Variants in ESRRG observed in about 807,000 individuals in gnomAD.
ESRRG encodes the protein estrogen related receptor gamma.
ESRRG carries 13 observed loss-of-function variants against 44.0 expected under a neutral mutation model. The observed-to-expected ratio is 0.30, with a 90% CI of 0.19 to 0.47. ESRRG has a LOEUF of 0.47. Ranked by LOEUF, ESRRG falls within the 20% of genes least tolerant of loss-of-function variation. ESRRG has a pLI of 1.00. For synonymous variants in ESRRG, 215 were observed against 214.6 expected, an observed-to-expected ratio of 1.00 and a Z score of -0.02; for missense variants, 395 against 580.6, an observed-to-expected ratio of 0.68 and a Z score of 3.29.
intron 2 of ESRRG, among the ~76,000 whole-genome samples, chr1:216,669,885 C>CA (rs1460347598): frequency 4.1e-4 from 55 of 133,840 alleles, no homozygotes; most frequent in African/African-American, 1.2e-3. Context: ...GACTCTGTCT[C>CA]AAAAAAAAGA....
intron 2 of ESRRG, among the ~76,000 whole-genome samples, chr1:216,654,192 G>A (rs2069804639): frequency 6.6e-6 from 1 of 151,412 alleles, no homozygotes; most frequent in African/African-American, 2.4e-5. Flanking sequence ...TAATAACTTA[G>A]AATTTTCTTA....
At chr1:216,635,233 C>A (rs1006228962) in intron 3 of ESRRG, among the ~76,000 whole-genome samples, 1 of 152,212 alleles carries the variant, frequency 6.6e-6, no homozygotes, top group African/African-American at 2.4e-5. Flanking sequence ...GAGAGGGAAA[C>A]AATTGCTATG....
At chr1:216,749,062 T>C (rs1303150992) in intron 2 of ESRRG, among the ~76,000 whole-genome samples, 1 of 152,108 alleles carries the variant, frequency 6.6e-6, no homozygotes, top group African/African-American at 2.4e-5. Flanking sequence ...ATTCTCTTTC[T>C]AGCACTATAA....
intron 1 of ESRRG, among the ~76,000 whole-genome samples, chr1:216,709,920 T>C (rs1378085017): frequency 6.6e-6 from 1 of 152,186 alleles, no homozygotes; most frequent in Non-Finnish European, 1.5e-5. Flanking sequence ...GTAATCCTGG[T>C]TCAGGATTTA....
At chr1:217,130,603 T>C (rs1023700431) in intron 1 of ESRRG, among the ~76,000 whole-genome samples, 1 of 152,202 alleles carries the variant, frequency 6.6e-6, no homozygotes, top group African/African-American at 2.4e-5. Flanking sequence ...TTTAGCTAAT[T>C]TGGTAATCAT....
At chr1:216,725,513 G>A (rs527803931), upstream of ESRRG, among the ~76,000 whole-genome samples, 6 of 151,932 alleles carry the variant, frequency 3.9e-5, no homozygotes, top group African/African-American at 1.4e-4. Context: ...AATAAAACAG[G>A]CATTTTGCAA....
intron 1 of ESRRG, among the ~76,000 whole-genome samples, chr1:216,678,678 C>A (rs2076522080): frequency 6.6e-6 from 1 of 152,238 alleles, no homozygotes; most frequent in South Asian, 2.1e-4. Flanking sequence ...TTGTGCAAAA[C>A]CTCGTTTAGC....
intron 5 of ESRRG, among the ~76,000 whole-genome samples, chr1:216,520,631 AC>A (rs941146046): frequency 6.6e-6 from 1 of 152,134 alleles, no homozygotes; most frequent in Admixed American, 6.6e-5. Context: ...TTAAAACTTC[AC>A]TTTTATTTCC....
chr1:216,989,651 C>T (rs942651402), intron 1 of ESRRG, among the ~76,000 whole-genome samples: 1 of 152,080 alleles, frequency 6.6e-6, no homozygotes, highest in Non-Finnish European at 1.5e-5. Context: ...CTGATACATA[C>T]TTATTATTCA....
At chr1:216,666,215 A>G (rs963077544) in intron 2 of ESRRG, among the ~76,000 whole-genome samples, 11 of 152,194 alleles carry the variant, frequency 7.2e-5, no homozygotes, top group African/African-American at 1.2e-4. Context: ...ACCCACATCA[A>G]TAGGAACTTC....
intron 5 of ESRRG, among the ~76,000 whole-genome samples, chr1:216,559,442 G>T (rs1395565587): frequency 6.6e-6 from 1 of 152,170 alleles, no homozygotes; most frequent in Admixed American, 6.5e-5. Context: ...AGAGTTTTGT[G>T]CTATGCACAT....
chr1:217,113,847 G>T (rs377132685), intron 1 of ESRRG, among the ~76,000 whole-genome samples: 2 of 152,016 alleles, frequency 1.3e-5, no homozygotes, highest in South Asian at 2.1e-4. Flanking sequence ...AAAATAATTA[G>T]CTGGGTGTAG....
chr1:216,846,046 T>C (rs957364868), intron 2 of ESRRG, among the ~76,000 whole-genome samples: 4 of 152,142 alleles, frequency 2.6e-5, no homozygotes, highest in African/African-American at 9.7e-5. Flanking sequence ...GTAAAAATAA[T>C]TTTCTAAAAA....
At chr1:216,578,036 A>G (rs1354542481) in intron 3 of ESRRG, among the ~76,000 whole-genome samples, 1 of 152,088 alleles carries the variant, frequency 6.6e-6, no homozygotes, top group East Asian at 1.9e-4. Flanking sequence ...AAAGAGAGGC[A>G]TGATGTTTGA....
rs2092541775 is a variant in ESRRG at position 216,757,754 on chromosome 1, T to C, written c.-13-80263A>G. ...AGTCCTGTCTAATCCTTATCTGAAT[T>C]TGCAATTAAGACTTCAGAGCCACAG... On this transcript the variant is annotated intron_variant, in intron 2 of 7. Coordinates refer to the ESRRG transcript ENST00000359162. Among the ~76,000 whole-genome samples, 4 of 152,220 alleles carry C rather than the reference T, an allele frequency of 2.6e-5. No homozygotes were observed. In the South Asian group the frequency reaches 6.2e-4, roughly 24 times the overall value.
chr1:216,928,047 T>C (rs2062822022), intron 2 of ESRRG, among the ~76,000 whole-genome samples: 1 of 152,148 alleles, frequency 6.6e-6, no homozygotes, highest in Admixed American at 6.5e-5. Flanking sequence ...GGGCTCAAAA[T>C]AGTCTAGTTA....
chr1:216,955,144 T>C (rs1354221718), intron 1 of ESRRG, among the ~76,000 whole-genome samples: 4 of 152,128 alleles, frequency 2.6e-5, no homozygotes, highest in Non-Finnish European at 5.9e-5. Flanking sequence ...CTAGAACTTA[T>C]TCTATCTAGC....
rs138543936 is a variant in ESRRG at position 216,508,926 on chromosome 1, C to T, written c.1133-1743G>A. Among the ~76,000 whole-genome samples the T allele has an allele frequency of 3.2e-3, 485 of 152,214 alleles. 5 individuals carry two copies. Among genetic ancestry groups the T allele is most frequent in the African/African-American group, 0.011 (468 of 41,528 alleles). On this transcript the variant is annotated intron_variant, in intron 6 of 6. Coordinates refer to ENST00000408911, the MANE Select transcript of ESRRG (RefSeq NM_001438.4). The stretch of plus-strand genomic sequence containing the variant: ...CTTATCCTGGGTCTAATAATTAGCT[C>T]TCTACATGAAAACAGAGTAATAGAT...
intron 2 of ESRRG, among the ~76,000 whole-genome samples, chr1:216,878,386 G>T (rs1011296934): frequency 2.0e-5 from 3 of 151,878 alleles, no homozygotes; most frequent in African/African-American, 7.3e-5. Flanking sequence ...ACTTTAATAT[G>T]TTCTTCGTTA....
Sources: allele counts gnomAD v4.1 joint callset (sites outside exome capture counted in the v4.1 genomes callset), GRCh38; gene constraint gnomAD v4.1.1; transcripts MANE v1.5; gene names NCBI Gene and HGNC (gene_info 2026-07-23, HGNC 2026-07-21).